RSPH3: variants seen among roughly 807,000 people sequenced by gnomAD.
RSPH3 encodes the protein radial spoke head 3.
Under a neutral mutation model 43.8 loss-of-function variants are expected in RSPH3, and 21 were observed. The observed-to-expected ratio is 0.48, with a 90% CI of 0.34 to 0.69. The LOEUF (loss-of-function observed/expected upper bound fraction) is 0.69. Ranked by LOEUF, RSPH3 falls within the 30% of genes least tolerant of loss-of-function variation. The probability of loss-of-function intolerance (pLI) is 0.01; values close to 1 mark genes in which losing one functional copy is unlikely to be tolerated. For synonymous variants in RSPH3, 173 were observed against 179.8 expected, an observed-to-expected ratio of 0.96 and a Z score of 0.30; for missense variants, 487 against 516.0, an observed-to-expected ratio of 0.94 and a Z score of 0.54.
intron 1 of RSPH3, 34 bp downstream of exon 1, chr6:158,999,401 T>C (rs117987087): frequency 0.022 from 31,898 of 1,481,860 alleles, 386 homozygotes; most frequent in Non-Finnish European, 0.024. Flanking sequence ...GGGGTGCAAG[T>C]ATGGACCACA....
Position 158,980,903 on chromosome 6 carries a change from G to T in RSPH3, c.730C>A (p.His244Asn). Residue 244 changes from histidine to asparagine, a missense_variant, in exon 6 of 8, where the codon CAC becomes AAC. Transcript: ENST00000367069. The part of the protein sequence containing the change: ...RRKKQQWEIM[H>N]KHNETSQKIA... ...TTTTGTGATGTCTCGTTGTGCTTGT[G>T]CATTATTTCCCACTGCTGTTTCTTA... is the stretch of plus-strand genomic sequence containing the variant. 6.2e-7 allele frequency: 1 copy of T among 1,614,092 alleles called. No homozygotes were observed. Among genetic ancestry groups the T allele is most frequent in the Non-Finnish European group, 8.5e-7 (1 of 1,179,990 alleles).
intron 2 of RSPH3, among the ~76,000 whole-genome samples, chr6:158,992,302 C>T (rs1198292763): frequency 1.3e-5 from 2 of 152,084 alleles, no homozygotes; most frequent in African/African-American, 4.8e-5. Context: ...TTTTTTGAGA[C>T]AGGGTTTCCC....
chr6:158,967,973 G>A (rs569102199), downstream of RSPH3, among the ~76,000 whole-genome samples: 1 of 152,202 alleles, frequency 6.6e-6, no homozygotes, highest in Non-Finnish European at 1.5e-5. Flanking sequence ...TGAATCTAAA[G>A]TGTGTCTCTA....
chr6:158,985,427 C>T (rs1778195874), intron 3 of RSPH3, among the ~76,000 whole-genome samples: 1 of 152,152 alleles, frequency 6.6e-6, no homozygotes, highest in Non-Finnish European at 1.5e-5. Flanking sequence ...TATGTGAAAA[C>T]TGCTAAGAGA....
Position 159,000,118 on chromosome 6 carries a change from C to T in RSPH3, c.-568G>A, listed in dbSNP as rs537394123. ...TCCTCGGCTGTTTCTCCTGCCGCGG[C>T]GCAGCAGCGCTCCCAGGCTGCCCCC... On this transcript the variant is annotated 5_prime_UTR_variant, in exon 1 of 8. Transcript: ENST00000367069. The T allele has an allele frequency of 4.6e-5, 40 of 866,740 alleles. No homozygotes were observed. Among genetic ancestry groups the T allele is most frequent in the Non-Finnish European group, 6.6e-5 (39 of 591,748 alleles). 53.7% of individuals were successfully genotyped at this position (866,740 alleles called of 1,614,324 possible). A position where few individuals can be genotyped will look rare whatever the true frequency, so the allele number is the denominator to read the frequency against.
At chr6:158,991,490 T>C (rs1778404101) in intron 2 of RSPH3, among the ~76,000 whole-genome samples, 1 of 152,192 alleles carries the variant, frequency 6.6e-6, no homozygotes, top group African/African-American at 2.4e-5. Context: ...GTAGTTCAGC[T>C]CCTTTCTAGG....
chr6:158,987,226 G>C (rs928742334), intron 2 of RSPH3, among the ~76,000 whole-genome samples: 1 of 152,134 alleles, frequency 6.6e-6, no homozygotes, highest in Non-Finnish European at 1.5e-5. Context: ...TTATTACAGA[G>C]TGACTGTGTT....
chr6:158,992,633 T>C (rs1237642999), intron 2 of RSPH3, among the ~76,000 whole-genome samples: 1 of 152,134 alleles, frequency 6.6e-6, no homozygotes, highest in Non-Finnish European at 1.5e-5. Flanking sequence ...TGTTATGGTG[T>C]TCGGCAGGTT....
chr6:158,963,818 T>C, the RSPH3 span, among the ~76,000 whole-genome samples: 1 of 152,006 alleles, frequency 6.6e-6, no homozygotes, highest in African/African-American at 2.4e-5. Context: ...TCTCAAACTC[T>C]TGGGCTCAAG....
chr6:159,000,135 G>C lies in RSPH3; in HGVS notation c.-585C>G. ...TGCCGCGGCGCAGCAGCGCTCCCAG[G>C]CTGCCCCCGCGATAACACGCCCCTG... On this transcript the variant is annotated 5_prime_UTR_variant, in exon 1 of 8. Transcript: ENST00000367069. 1 of 740,150 alleles carries C rather than the reference G, an allele frequency of 1.4e-6. No individual in the cohort carries two copies. Among genetic ancestry groups the C allele is most frequent in the Non-Finnish European group, 2.1e-6 (1 of 482,960 alleles). 45.8% of individuals were successfully genotyped at this position (740,150 alleles called of 1,614,324 possible).
downstream of RSPH3, among the ~76,000 whole-genome samples, chr6:158,970,047 A>G (rs1283250737): frequency 1.3e-5 from 2 of 151,064 alleles, no homozygotes; most frequent in Non-Finnish European, 2.9e-5. Flanking sequence ...TCTGACTGCC[A>G]TATGTTCCTA....
downstream of RSPH3, among the ~76,000 whole-genome samples, chr6:158,971,056 G>C (rs1338895439): frequency 6.6e-6 from 1 of 152,124 alleles, no homozygotes; most frequent in Non-Finnish European, 1.5e-5. Context: ...CTCTGTAAAT[G>C]GGCTTTTCCA....
At chr6:158,993,810 C>A (rs753007332) in intron 2 of RSPH3, 29 bp downstream of exon 2, 1 of 1,221,404 alleles carries the variant, frequency 8.2e-7, no homozygotes, top group South Asian at 1.3e-5. Context: ...TGTGAGAACA[C>A]GGTGTTAGAC....
the RSPH3 span, among the ~76,000 whole-genome samples, chr6:158,964,976 G>A: frequency 6.6e-6 from 1 of 152,064 alleles, no homozygotes; most frequent in Non-Finnish European, 1.5e-5. Context: ...GTAAATTTTT[G>A]TAAATGGTGT....
chr6:158,982,915 C>G (rs1284853160), intron 4 of RSPH3, among the ~76,000 whole-genome samples: 1 of 152,102 alleles, frequency 6.6e-6, no homozygotes, highest in South Asian at 2.1e-4. Context: ...ACGCATTCAT[C>G]AAAATGAACC....
chr6:158,963,606 A>AG, the RSPH3 span, among the ~76,000 whole-genome samples: 2,608 of 120,638 alleles, frequency 0.022, 33 homozygotes, highest in Middle Eastern at 0.032. Context: ...TTCTTTTGAT[A>AG]GGTTTCACAA....
At chr6:158,966,353 G>A in the RSPH3 span, among the ~76,000 whole-genome samples, 1 of 152,152 alleles carries the variant, frequency 6.6e-6, no homozygotes, top group African/African-American at 2.4e-5. Context: ...ACAGAATGAG[G>A]TGGGAACTGT....
At chr6:158,982,198 A>G (rs1435506103) in intron 5 of RSPH3, among the ~76,000 whole-genome samples, 1 of 152,194 alleles carries the variant, frequency 6.6e-6, no homozygotes, top group Non-Finnish European at 1.5e-5. Flanking sequence ...GATATTTAAG[A>G]GAGTCTTCCA....
At chr6:158,994,653 A>AAAAT (rs1182568602) in intron 1 of RSPH3, among the ~76,000 whole-genome samples, 1 of 152,178 alleles carries the variant, frequency 6.6e-6, no homozygotes, top group Non-Finnish European at 1.5e-5. Flanking sequence ...TTTGTCTCAA[A>AAAAT]AAATAAATAA....
Sources: allele counts gnomAD v4.1 joint callset (sites outside exome capture counted in the v4.1 genomes callset), GRCh38; gene constraint gnomAD v4.1.1; transcripts MANE v1.5; gene names NCBI Gene and HGNC (gene_info 2026-07-23, HGNC 2026-07-21).